Variants in ADH4 observed in about 807,000 individuals in gnomAD.
ADH4 encodes all-trans-retinol dehydrogenase [NAD(+)] ADH4.
A neutral mutation model predicts 35.2 loss-of-function variants in ADH4; 31 were observed. That is an observed-to-expected ratio of 0.88 (90% CI 0.66 to 1.19). The LOEUF is 1.19. Among genes scored for constraint, ADH4 ranks in the 50% most tolerant of loss-of-function variants. ADH4 has a pLI of 0.00. For missense variants in ADH4, 476 were observed against 458.3 expected, an observed-to-expected ratio of 1.04 and a Z score of -0.35; for synonymous variants, 171 against 160.2, an observed-to-expected ratio of 1.07 and a Z score of -0.51.
intron 3 of ADH4, among the ~76,000 whole-genome samples, chr4:99,140,384 G>A (rs1729571856): frequency 6.6e-6 from 1 of 152,094 alleles, no homozygotes; most frequent in South Asian, 2.1e-4. Flanking sequence ...GAGCAGCCTG[G>A]CCAACATGGT....
At chr4:99,140,953 C>T (rs1729594962) in intron 3 of ADH4, among the ~76,000 whole-genome samples, 1 of 151,718 alleles carries the variant, frequency 6.6e-6, no homozygotes, top group Admixed American at 6.6e-5. Context: ...AAACTTGTGT[C>T]ACGGAAGTTT....
At chr4:99,127,471 T>C in intron 6 of ADH4, 127 bp from the exon 7 acceptor site, 1 of 660,516 alleles carries the variant, frequency 1.5e-6, no homozygotes, top group Non-Finnish European at 2.4e-6. Context: ...GGATTCAAGC[T>C]AATGACATCA....
chr4:99,139,178 G>T, intron 3 of ADH4, 30 bp from the exon 4 acceptor site: 1 of 1,479,578 alleles, frequency 6.8e-7, no homozygotes, highest in Non-Finnish European at 9.4e-7. Flanking sequence ...GTTGGATGGT[G>T]CCTAAGGTGT....
In ADH4 at chr4:99,127,203, A is replaced by G. The variant is rs554366907; in HGVS notation, c.979+6T>C. On this transcript the variant is annotated splice_donor_region_variant and intron_variant, in intron 7 of 8. Coordinates refer to ENST00000265512, the MANE Select transcript of ADH4 (RefSeq NM_000670.5). Reference sequence around the variant, plus strand: ...ATTTAAAGCTATGAAGAAAAAAAAAACTGACCACCAAAGAATGTTCCATTT... The same window carrying G: ...ATTTAAAGCTATGAAGAAAAAAAAAGCTGACCACCAAAGAATGTTCCATTT... 2.5e-6 allele frequency: 4 copies of G among 1,586,752 alleles called. No homozygotes were observed. The Admixed American group carries it at 5.7e-5, about 22-fold the overall frequency.
At chr4:99,140,965 G>A (rs1729595412) in intron 3 of ADH4, among the ~76,000 whole-genome samples, 1 of 152,034 alleles carries the variant, frequency 6.6e-6, no homozygotes, top group South Asian at 2.1e-4. Context: ...CGGAAGTTTG[G>A]TGTACAGATA....
intron 4 of ADH4, among the ~76,000 whole-genome samples, chr4:99,138,025 T>C (rs1729500335): frequency 6.6e-6 from 1 of 152,226 alleles, no homozygotes; most frequent in Non-Finnish European, 1.5e-5. Flanking sequence ...TCCTGTAATC[T>C]GGTTGAACAT....
At chr4:99,131,446 AT>A in intron 6 of ADH4, 57 bp downstream of exon 6, 1 of 1,559,088 alleles carries the variant, frequency 6.4e-7, no homozygotes, top group Non-Finnish European at 8.7e-7. Context: ...ACTTTCCCCT[AT>A]TATTTGACAG....
chr4:99,134,954 A>T lies in ADH4; in HGVS notation c.582+1512T>A, dbSNP rs1579399055. 3.3e-5 allele frequency among the ~76,000 whole-genome samples: 5 copies of T among 152,042 alleles called. 1 individual carries two copies. In the South Asian group the frequency reaches 1.0e-3, roughly 32 times the overall value. On this transcript the variant is annotated intron_variant, in intron 5 of 8. Coordinates refer to ENST00000265512, the MANE Select transcript of ADH4 (RefSeq NM_000670.5). ...AAGCCGAGGACCAGGCCTCACCAGG[A>T]TGTTTTATGCACCTGGTTTTATTTA... is the stretch of plus-strand genomic sequence containing the variant.
intron 5 of ADH4, chr4:99,133,769 A>G (rs759745002): frequency 6.6e-6 from 1 of 152,242 alleles, no homozygotes; most frequent in Non-Finnish European, 1.5e-5. Flanking sequence ...TGTGGAACCA[A>G]TCCTTAAACA....
chr4:99,142,617 A>G (rs1729660977), intron 2 of ADH4, 62 bp downstream of exon 2: 2 of 1,078,904 alleles, frequency 1.9e-6, no homozygotes, highest in East Asian at 2.6e-5. Flanking sequence ...GATTGACCTG[A>G]CAGAAGCCAG....
At position 99,131,550 on chromosome 4, in the gene ADH4, C is replaced by A. The variant is rs1729270442; in HGVS notation, c.797G>T (p.Gly266Val). The A allele has an allele frequency of 1.5e-5, 24 of 1,614,132 alleles. No homozygotes were observed. Among genetic ancestry groups the A allele is most frequent in the Non-Finnish European group, 1.9e-5 (22 of 1,180,002 alleles). Residue 266 changes from glycine (G) to valine (V), a missense_variant, in exon 6 of 9, where the codon GGA becomes GTA. By Grantham distance (109) the Gly-to-Val change is moderately radical. Coordinates refer to ENST00000265512, the MANE Select transcript of ADH4 (RefSeq NM_000670.5). ...IQEVIIELTK[G>V]GVDFALDCAG... The stretch of plus-strand genomic sequence containing the variant: ...ACAGTCAAGGGCAAAATCCACACCT[C>A]CCTTGGTCAATTCAATGATAACTTC...
chr4:99,134,349 C>T (rs1220894669), intron 5 of ADH4, among the ~76,000 whole-genome samples: 1 of 151,728 alleles, frequency 6.6e-6, no homozygotes, highest in Non-Finnish European at 1.5e-5. Flanking sequence ...GTGATGGATA[C>T]ATTATTAGCT....
chr4:99,135,221 G>A (rs1005310300), intron 5 of ADH4, among the ~76,000 whole-genome samples: 2 of 152,040 alleles, frequency 1.3e-5, no homozygotes, highest in Admixed American at 6.5e-5. Flanking sequence ...TTGAGCCTAG[G>A]AGTTCAAGAC....
chr4:99,141,516 A>C (rs1560781681), intron 3 of ADH4, 25 bp downstream of exon 3: 3 of 1,596,208 alleles, frequency 1.9e-6, no homozygotes, highest in East Asian at 2.2e-5. Flanking sequence ...TGACATTTCC[A>C]TTTTTTCTGA....
intron 5 of ADH4, 36 bp from the exon 6 acceptor site, chr4:99,131,800 C>A: frequency 6.3e-7 from 1 of 1,584,768 alleles, no homozygotes. Flanking sequence ...ACTTCTAAAG[C>A]AGCCAGTCCC....
At chr4:99,143,103 G>A in intron 1 of ADH4, 1 of 697,840 alleles carries the variant, frequency 1.4e-6, no homozygotes, top group South Asian at 1.5e-5. Context: ...TATGGAGTTT[G>A]AATAAGGTAG....
intron 4 of ADH4, among the ~76,000 whole-genome samples, chr4:99,136,994 G>T (rs1358050614): frequency 6.6e-6 from 1 of 151,916 alleles, no homozygotes; most frequent in Non-Finnish European, 1.5e-5. Context: ...TTGTTGCCTA[G>T]GCTGGACTGC....
In ADH4 at chr4:99,136,512, C is replaced by A. The variant is rs367666785; in HGVS notation, c.536G>T (p.Gly179Val). The A allele has an allele frequency of 1.5e-5, 24 of 1,614,098 alleles. No individual in the cohort carries two copies. The highest frequency in any genetic ancestry group is 1.9e-5 in the Non-Finnish European group (22 of 1,180,002). Residue 179 changes from glycine to valine, a missense_variant, in exon 5 of 9, where the codon GGA (glycine) becomes GTA (valine). Gly to Val is a moderately radical substitution (Grantham distance 109). Coordinates refer to ENST00000265512, the MANE Select transcript of ADH4 (RefSeq NM_000670.5). ...CCCATAGCCAGTTGAAAACCCACAT[C>A]CAAGCAGACAAACTCTCTCTAAATT... ...DANLERVCLL[G>V]CGFSTGYGAA...
In ADH4 at chr4:99,126,641, A is replaced by T. The variant is rs771978728; in HGVS notation, c.1071T>A (p.Pro357=). The change falls in exon 8 of 9, where the codon CCT becomes CCA. Residue 357 remains proline (P), a synonymous_variant. Coordinates refer to ENST00000265512, the MANE Select transcript of ADH4 (RefSeq NM_000670.5). ...NLDALVTHTL[P]FDKISEAFDL... Reference sequence around the variant, plus strand: ...CAAATGCCTCACTGATTTTGTCAAAAGGCAGGGTATGGGTCACCAGTGCAT... The same window carrying T: ...CAAATGCCTCACTGATTTTGTCAAATGGCAGGGTATGGGTCACCAGTGCAT... 1 of 1,610,802 alleles carries T rather than the reference A, an allele frequency of 6.2e-7. No individual in the cohort carries two copies.
Sources: allele counts gnomAD v4.1 joint callset (sites outside exome capture counted in the v4.1 genomes callset), GRCh38; gene constraint gnomAD v4.1.1; transcripts MANE v1.5; gene names NCBI Gene and HGNC (gene_info 2026-07-23, HGNC 2026-07-21).